Variants in A1CF observed in about 807,000 individuals in gnomAD.
The protein encoded by A1CF is APOBEC1 complementation factor, also known as APOBEC-1 stimulating protein.
A neutral mutation model predicts 68.9 loss-of-function variants in A1CF; 48 were observed. The ratio of observed to expected loss-of-function variants is 0.70; its 90% confidence interval spans 0.55 to 0.89. The LOEUF (loss-of-function observed/expected upper bound fraction) is 0.89, where lower values mean the gene tolerates loss of function less well. Ranked by LOEUF, A1CF falls within the 40% of genes least tolerant of loss-of-function variation. The pLI is 0.00. For missense variants in A1CF, 653 were observed against 718.9 expected (o/e 0.91, Z 1.05); for synonymous variants, 272 against 260.4 (o/e 1.04, Z -0.43).
intron 7 of A1CF, among the ~76,000 whole-genome samples, chr10:50,826,462 G>GT (rs1446570340): frequency 4.3e-4 from 66 of 152,268 alleles, no homozygotes; most frequent in Non-Finnish European, 8.2e-4. Flanking sequence ...CCAGGAGAGA[G>GT]TGGGGGCCAA....
intron 7 of A1CF, among the ~76,000 whole-genome samples, chr10:50,826,739 C>G (rs909321021): frequency 6.6e-6 from 1 of 152,050 alleles, no homozygotes; most frequent in Non-Finnish European, 1.5e-5. Flanking sequence ...AGCAAAATAA[C>G]CAGCTAACAT....
Position 50,805,342 on chromosome 10 carries a change from A to G in A1CF, c.*1387T>C, listed in dbSNP as rs1837770327. 1 of 152,206 alleles carries G rather than the reference A, an allele frequency of 6.6e-6. No homozygotes were observed. The highest frequency in any genetic ancestry group is 2.1e-4 in the South Asian group (1 of 4,828). 9.4% of individuals were successfully genotyped at this position (152,206 alleles called of 1,614,324 possible). A position where few individuals can be genotyped will look rare whatever the true frequency, so the allele number is the denominator to read the frequency against. On this transcript the variant is annotated 3_prime_UTR_variant, in exon 13 of 13. Coordinates refer to ENST00000373997, the MANE Select transcript of A1CF (RefSeq NM_014576.4). ...AGGAGTAACAGGTATTTGGTGTTGG[A>G]CTTAAGATTATTTATGTTTGAACAA...
At chr10:50,845,252 T>C (rs965675017) in intron 3 of A1CF, among the ~76,000 whole-genome samples, 3 of 152,142 alleles carry the variant, frequency 2.0e-5, no homozygotes, top group Admixed American at 6.6e-5. Flanking sequence ...CACTGAGAAA[T>C]CTGAGAAATT....
chr10:50,841,802 G>C, intron 5 of A1CF, 60 bp downstream of exon 5: 2 of 1,587,068 alleles, frequency 1.3e-6, no homozygotes, highest in Non-Finnish European at 1.7e-6. Flanking sequence ...AAACTTGATA[G>C]AAAAACAGAC....
chr10:50,865,223 C>A (rs114666381), intron 1 of A1CF, among the ~76,000 whole-genome samples: 2,156 of 152,152 alleles, frequency 0.014, 54 homozygotes, highest in African/African-American at 0.049. Flanking sequence ...TAGGCCACTG[C>A]ACTCCAGCCT....
At chr10:50,884,940 A>G (rs573769727) in intron 1 of A1CF, among the ~76,000 whole-genome samples, 42 of 152,362 alleles carry the variant, frequency 2.8e-4, no homozygotes, top group African/African-American at 9.9e-4. Flanking sequence ...AAACAATATA[A>G]TAATTAGCCA....
In A1CF at chr10:50,860,449, G is replaced by C. The variant is rs188075895; in HGVS notation, c.-45-464C>G. On this transcript the variant is annotated intron_variant, in intron 2 of 12. Transcript: ENST00000373997. The stretch of plus-strand genomic sequence containing the variant: ...GATAGTTATCTACTTATTCTCCAAA[G>C]ATAAATTTTTAGAGCAAAATATGCC... Among the ~76,000 whole-genome samples, 30 of 152,242 alleles carry C rather than the reference G, an allele frequency of 2.0e-4. No individual in the cohort carries two copies. In the East Asian group the frequency reaches 5.6e-3, roughly 28 times the overall value.
At chr10:50,834,319 C>T (rs1839385946) in intron 6 of A1CF, among the ~76,000 whole-genome samples, 1 of 152,150 alleles carries the variant, frequency 6.6e-6, no homozygotes, top group Non-Finnish European at 1.5e-5. Context: ...AGGAAAGTGA[C>T]TAATTCGGGC....
rs1291163843 is a variant in A1CF at position 50,802,991 on chromosome 10, C to T, written c.*3738G>A. 1 of 152,178 alleles carries T rather than the reference C, an allele frequency of 6.6e-6. No homozygotes were observed. Among genetic ancestry groups the T allele is most frequent in the Non-Finnish European group, 1.5e-5 (1 of 68,024 alleles). 9.4% of individuals were successfully genotyped at this position (152,178 alleles called of 1,614,324 possible). On this transcript the variant is annotated 3_prime_UTR_variant, in exon 13 of 13. Coordinates refer to ENST00000373997, the MANE Select transcript of A1CF (RefSeq NM_014576.4). ...AAGTAAAATAAAAACCAATTTCCTG[C>T]ACAGCTATTATCAGTATATACTTAT...
Position 50,884,774 on chromosome 10 carries a change from A to G in A1CF, c.-94+807T>C, listed in dbSNP as rs139284185. Among the ~76,000 whole-genome samples, 65 of 152,348 alleles carry G rather than the reference A, an allele frequency of 4.3e-4. No individual in the cohort carries two copies. In the East Asian group the frequency reaches 0.011, roughly 26 times the overall value. On this transcript the variant is annotated intron_variant, in intron 1 of 12. Coordinates refer to ENST00000373997, the MANE Select transcript of A1CF (RefSeq NM_014576.4). ...ACATAGGTAATCATGACAAAAAGTC[A>G]GAGAGTTTAGGGGGTTTCTGGTAAA...
intron 3 of A1CF, 144 bp downstream of exon 3, chr10:50,859,698 T>C: frequency 1.5e-6 from 1 of 655,264 alleles, no homozygotes; most frequent in Non-Finnish European, 2.5e-6. Flanking sequence ...ACAGAAATGT[T>C]GCAATTTCCT....
chr10:50,851,529 G>A (rs1031440390), intron 3 of A1CF, among the ~76,000 whole-genome samples: 1 of 152,124 alleles, frequency 6.6e-6, no homozygotes, highest in Non-Finnish European at 1.5e-5. Flanking sequence ...TGGAATATCA[G>A]TATCATTTCC....
Position 50,859,876 on chromosome 10 carries a change from G to GC in A1CF, c.64dup (p.Ala22GlyfsTer9), listed in dbSNP as rs1840662802. On this transcript the variant is annotated frameshift_variant, in exon 3 of 13. Transcript: ENST00000373997. LOFTEE classifies it high-confidence loss of function. ...GCTATATCCTGTGCGCTGGACCAGT[G>GC]CGCGGAGGGCTGCTTCCTTCTGAGT... 1 of 1,613,882 alleles carries GC rather than the reference G, an allele frequency of 6.2e-7. No homozygotes were observed. The highest frequency in any genetic ancestry group is 1.3e-5 in the African/African-American group (1 of 74,900).
At chr10:50,860,742 T>C (rs1840705840) in intron 2 of A1CF, among the ~76,000 whole-genome samples, 2 of 152,208 alleles carry the variant, frequency 1.3e-5, no homozygotes, top group African/African-American at 4.8e-5. Context: ...ATTTTCTATT[T>C]TGGGAACATG....
In A1CF at chr10:50,802,740, G is replaced by A. The variant is rs1351981655; in HGVS notation, c.*3989C>T. ...CAAACTTCATAGGTTAGAATGCAAT[G>A]AAAATTTACCCCGAATATTAACTTG... On this transcript the variant is annotated 3_prime_UTR_variant, in exon 13 of 13. Transcript: ENST00000373997. The A allele has an allele frequency of 6.6e-6, 1 of 152,152 alleles. No homozygotes were observed. The highest frequency in any genetic ancestry group is 1.5e-5 in the Non-Finnish European group (1 of 68,022). 9.4% of individuals were successfully genotyped at this position (152,152 alleles called of 1,614,324 possible). A position where few individuals can be genotyped will look rare whatever the true frequency, so the allele number is the denominator to read the frequency against.
At chr10:50,818,546 G>A (rs1190087100) in intron 8 of A1CF, among the ~76,000 whole-genome samples, 1 of 151,924 alleles carries the variant, frequency 6.6e-6, no homozygotes, top group Non-Finnish European at 1.5e-5. Context: ...ATTTGTGATG[G>A]CTGTTCCTTC....
chr10:50,816,224 C>G lies in A1CF; in HGVS notation c.923G>C (p.Ser308Thr). The G allele has an allele frequency of 6.2e-7, 1 of 1,613,772 alleles. No individual in the cohort carries two copies. Among genetic ancestry groups the G allele is most frequent in the Middle Eastern group, 1.7e-4 (1 of 6,056 alleles). The change falls in exon 9 of 13, where the codon AGT becomes ACT. Residue 308 changes from serine (S) to threonine (T), a missense_variant. Transcript: ENST00000373997. ...TGTGCCTCGGGTATACCTAACATAA[C>G]TGTCCTTGTCCACTGGTTTTGCTAG... ...VTLAKPVDKD[S>T]YVRYTRGTGG...
chr10:50,833,533 G>C (rs1196412101), intron 6 of A1CF, among the ~76,000 whole-genome samples: 1 of 152,190 alleles, frequency 6.6e-6, no homozygotes. Flanking sequence ...AGTGACTGAG[G>C]AGCAGTTACA....
In A1CF at chr10:50,820,637, C is replaced by T. The variant is rs1178467016; in HGVS notation, c.782G>A (p.Arg261Lys). ...AGCATAGTCTCGAATTTTCTTCACC[C>T]TCTCCACAGCACCTGTAAAATAGAG... ...FNNIKPGAVE[R>K]VKKIRDYAFV... is the part of the protein sequence containing the mutation. The change falls in exon 8 of 13, where the codon AGG becomes AAG. Residue 261 changes from arginine to lysine, a missense_variant. Arg to Lys is a conservative substitution (Grantham distance 26). Transcript: ENST00000373997. 1.2e-6 allele frequency: 2 copies of T among 1,613,314 alleles called. No homozygotes were observed. The highest frequency in any genetic ancestry group is 1.3e-5 in the African/African-American group (1 of 75,010).
Sources: allele counts gnomAD v4.1 joint callset (sites outside exome capture counted in the v4.1 genomes callset), GRCh38; gene constraint gnomAD v4.1.1; transcripts MANE v1.5; gene names NCBI Gene and HGNC (gene_info 2026-07-23, HGNC 2026-07-21).